The following CERS6 variants were observed in gnomAD, a reference collection of about 807,000 sequenced individuals.
CERS6 encodes ceramide synthase 6.
Under a neutral mutation model 56.8 loss-of-function variants are expected in CERS6, and 26 were observed. The ratio of observed to expected loss-of-function variants is 0.46; its 90% CI spans 0.34 to 0.63. The LOEUF is 0.63. Among genes scored for constraint, CERS6 ranks in the 30% least tolerant of loss-of-function variants. The pLI is 0.01. For missense variants in CERS6, 415 were observed against 467.5 expected (o/e 0.89, Z 1.04); for synonymous variants, 164 against 173.3 (o/e 0.95, Z 0.42).
intron 4 of CERS6, among the ~76,000 whole-genome samples, chr2:168,649,123 G>A (rs919922513): frequency 6.6e-6 from 1 of 152,018 alleles, no homozygotes; most frequent in Admixed American, 6.5e-5. Context: ...AGGATGGGTC[G>A]TTAGCTGCAG....
At chr2:168,686,575 A>C (rs1195929982) in intron 4 of CERS6, among the ~76,000 whole-genome samples, 5 of 151,990 alleles carry the variant, frequency 3.3e-5, no homozygotes, top group African/African-American at 9.7e-5. Flanking sequence ...AGATTACAGG[A>C]TTTGGAGGTC....
intron 6 of CERS6, among the ~76,000 whole-genome samples, chr2:168,704,292 C>T (rs928264691): frequency 2.0e-5 from 3 of 152,024 alleles, no homozygotes; most frequent in Non-Finnish European, 4.4e-5. Context: ...GAGAGCCACG[C>T]GGTGCTGCTG....
intron 1 of CERS6, among the ~76,000 whole-genome samples, chr2:168,508,092 G>C (rs1206285617): frequency 1.3e-5 from 2 of 152,158 alleles, no homozygotes; most frequent in African/African-American, 4.8e-5. Flanking sequence ...GATTGATTCT[G>C]ATTCACTGCG....
At position 168,683,204 on chromosome 2, in the gene CERS6, T is replaced by C. The variant is rs1322511551; in HGVS notation, c.466-7830T>C. Among the ~76,000 whole-genome samples the C allele has an allele frequency of 2.0e-5, 3 of 152,216 alleles. 1 individual carries two copies. Among genetic ancestry groups the C allele is most frequent in the South Asian group, 4.1e-4 (2 of 4,836 alleles). On this transcript the variant is annotated intron_variant, in intron 4 of 9. Transcript: ENST00000305747. ...AGACTCTTGATATATGTTACCAAAT[T>C]ACCCTTTAGAAAGGTTATTCCAGTT... is the stretch of plus-strand genomic sequence containing the variant.
chr2:168,683,830 G>T (rs918956), intron 4 of CERS6, among the ~76,000 whole-genome samples: 3 of 152,006 alleles, frequency 2.0e-5, no homozygotes, highest in South Asian at 4.1e-4. Flanking sequence ...CTTACCCTGA[G>T]CTGTAGTGTG....
At chr2:168,599,899 C>T (rs1266276440) in intron 3 of CERS6, among the ~76,000 whole-genome samples, 1 of 152,140 alleles carries the variant, frequency 6.6e-6, no homozygotes, top group Non-Finnish European at 1.5e-5. Flanking sequence ...TAGTAGTAAG[C>T]ATAAGACCAG....
chr2:168,610,640 CT>C (rs1684166410), intron 3 of CERS6, among the ~76,000 whole-genome samples: 6 of 152,028 alleles, frequency 3.9e-5, no homozygotes. Flanking sequence ...GGAAAGCAGA[CT>C]TTCATTCTAT....
At chr2:168,594,533 T>C (rs1314671345) in intron 3 of CERS6, among the ~76,000 whole-genome samples, 4 of 152,078 alleles carry the variant, frequency 2.6e-5, no homozygotes, top group Non-Finnish European at 4.4e-5. Flanking sequence ...TGTGGTGAGC[T>C]GTGATCATGC....
At chr2:168,594,825 C>T (rs191727925) in intron 3 of CERS6, among the ~76,000 whole-genome samples, 1 of 152,260 alleles carries the variant, frequency 6.6e-6, no homozygotes, top group East Asian at 1.9e-4. Flanking sequence ...TAGCCATTAG[C>T]CACTCTTTAG....
chr2:168,516,253 A>G (rs1047090621), intron 1 of CERS6, among the ~76,000 whole-genome samples: 1 of 152,206 alleles, frequency 6.6e-6, no homozygotes, highest in African/African-American at 2.4e-5. Flanking sequence ...GAATCAAGTC[A>G]TAGAGTAGAA....
chr2:168,464,423 A>G (rs1693834424), intron 1 of CERS6, among the ~76,000 whole-genome samples: 1 of 152,086 alleles, frequency 6.6e-6, no homozygotes, highest in South Asian at 2.1e-4. Context: ...GGCCTCCCAA[A>G]GTGCTGGGAT....
intron 3 of CERS6, among the ~76,000 whole-genome samples, chr2:168,602,510 G>A (rs1415295915): frequency 1.4e-5 from 2 of 146,832 alleles, no homozygotes; most frequent in Admixed American, 1.3e-4. Context: ...ACAGGAACAC[G>A]TAGTTAAATT....
At chr2:168,507,869 G>A (rs957175612) in intron 1 of CERS6, among the ~76,000 whole-genome samples, 73 of 151,708 alleles carry the variant, frequency 4.8e-4, no homozygotes, top group Non-Finnish European at 9.6e-4. Context: ...TCTTCTCTGG[G>A]AAAGTTTTTT....
intron 4 of CERS6, among the ~76,000 whole-genome samples, chr2:168,688,972 G>A (rs1022530195): frequency 3.9e-5 from 6 of 152,228 alleles, no homozygotes; most frequent in African/African-American, 1.4e-4. Flanking sequence ...TCTGAACGAC[G>A]GATTTTTCTG....
chr2:168,471,482 G>A (rs377204600), intron 1 of CERS6, among the ~76,000 whole-genome samples: 3 of 152,106 alleles, frequency 2.0e-5, no homozygotes, highest in African/African-American at 7.2e-5. Context: ...CAAAGATAAC[G>A]TCATGGTTTT....
In CERS6 at chr2:168,772,630, A is replaced by G. The variant is rs902541846; in HGVS notation, c.*2968A>G. 2.0e-5 allele frequency: 3 copies of G among 152,678 alleles called. No individual in the cohort carries two copies. Among genetic ancestry groups the G allele is most frequent in the African/African-American group, 7.2e-5 (3 of 41,470 alleles). The allele number at this position is 152,678 out of a possible 1,614,324, so 9.5% of individuals were successfully genotyped here. ...AGCTAAATATGGCTAAGCACAGGTCATAAGAGCACCTAAGGCCAGCATATA... is the reference window on the plus strand; with the variant it reads ...AGCTAAATATGGCTAAGCACAGGTCGTAAGAGCACCTAAGGCCAGCATATA... On this transcript the variant is annotated 3_prime_UTR_variant, in exon 10 of 10. Coordinates refer to ENST00000305747, the MANE Select transcript of CERS6 (RefSeq NM_203463.3).
At chr2:168,462,584 G>T (rs2105317803) in intron 1 of CERS6, among the ~76,000 whole-genome samples, 1 of 152,232 alleles carries the variant, frequency 6.6e-6, no homozygotes, top group South Asian at 2.1e-4. Flanking sequence ...TCACTCCGTT[G>T]TCCAGGCTTG....
intron 1 of CERS6, among the ~76,000 whole-genome samples, chr2:168,501,140 T>C (rs1170322890): frequency 1.3e-5 from 2 of 152,236 alleles, no homozygotes; most frequent in Non-Finnish European, 1.5e-5. Context: ...CAGTTCACTG[T>C]CGTTGTTGCC....
intron 8 of CERS6, among the ~76,000 whole-genome samples, chr2:168,757,429 G>A (rs16855775): frequency 0.039 from 5,899 of 151,384 alleles, 371 homozygotes; most frequent in African/African-American, 0.13. Context: ...TAAGAGACCA[G>A]TTCCTAAGTC....
Sources: gnomAD v4.1 joint callset for allele counts (sites outside exome capture counted in the v4.1 genomes callset) on GRCh38, gnomAD v4.1.1 for gene constraint, MANE v1.5 for transcripts, NCBI Gene and HGNC (gene_info 2026-07-23, HGNC 2026-07-21) for gene names.